CEP112: variants seen among roughly 807,000 people sequenced by gnomAD.
The protein encoded by CEP112 is centrosomal protein 112.
Under a neutral mutation model 153.0 loss-of-function variants are expected in CEP112, and 127 were observed. That is an observed-to-expected ratio of 0.83 (90% CI 0.72 to 0.96). CEP112 has a LOEUF of 0.96. CEP112 is among the 40% of genes least tolerant of loss of function. The pLI, the probability that CEP112 is intolerant of heterozygous loss-of-function variation, is 0.00. For synonymous variants in CEP112, 358 were observed against 374.4 expected (o/e 0.96, Z 0.51); for missense variants, 1,089 against 1,101.2 (o/e 0.99, Z 0.16).
chr17:66,158,960 C>G (rs1456158740), intron 4 of CEP112, among the ~76,000 whole-genome samples: 1 of 151,670 alleles, frequency 6.6e-6, no homozygotes, highest in Non-Finnish European at 1.5e-5. Flanking sequence ...ACTAGCCAGA[C>G]TAATAAAGAA....
intron 23 of CEP112, among the ~76,000 whole-genome samples, chr17:65,728,121 C>T (rs984295747): frequency 1.3e-5 from 2 of 152,218 alleles, no homozygotes; most frequent in Non-Finnish European, 2.9e-5. Context: ...ATAGCTTCAA[C>T]TAGGACTATA....
rs546185687 is a variant in CEP112 at position 65,854,332 on chromosome 17, A to G, written c.2164-2298T>C. ...AAATATTATATTCATCCAATTTTTAATTTTAACAATTTTGTGATTTCTACA... is the reference window on the plus strand; with the variant it reads ...AAATATTATATTCATCCAATTTTTAGTTTTAACAATTTTGTGATTTCTACA... On this transcript the variant is annotated intron_variant, in intron 20 of 26. Transcript: ENST00000535342. Among the ~76,000 whole-genome samples the G allele has an allele frequency of 7.4e-4, 112 of 152,320 alleles. 1 individual carries two copies. The highest frequency in any genetic ancestry group is 3.4e-3 in the Middle Eastern group (1 of 294).
chr17:65,664,873 G>A (rs1282257349), intron 24 of CEP112, among the ~76,000 whole-genome samples: 1 of 152,226 alleles, frequency 6.6e-6, no homozygotes, highest in Non-Finnish European at 1.5e-5. Context: ...TAGTTCTAGA[G>A]GCTGGGAAAT....
rs2050540586 is a variant in CEP112 at position 65,732,099 on chromosome 17, G to A, written c.2607+10969C>T. ...ATCAGAGGAATTACCATCTATGGCA[G>A]CTACAGTCTTATGAAGTGTATTTTT... On this transcript the variant is annotated intron_variant, in intron 23 of 26. Transcript: ENST00000535342. 1.3e-5 allele frequency among the ~76,000 whole-genome samples: 2 copies of A among 152,156 alleles called. 1 individual carries two copies. Among genetic ancestry groups the A allele is most frequent in the South Asian group, 4.1e-4 (2 of 4,826 alleles).
At chr17:65,843,279 A>C (rs1435644543) in intron 21 of CEP112, among the ~76,000 whole-genome samples, 1 of 152,206 alleles carries the variant, frequency 6.6e-6, no homozygotes, top group African/African-American at 2.4e-5. Context: ...ACACCAGGCT[A>C]TAGCTTATAT....
intron 23 of CEP112, among the ~76,000 whole-genome samples, chr17:65,733,923 A>G (rs1248284347): frequency 1.3e-5 from 2 of 152,210 alleles, no homozygotes; most frequent in East Asian, 1.9e-4. Flanking sequence ...TTCTTTTTGA[A>G]AGTCTGCAGT....
At chr17:66,157,099 A>C (rs1448738890) in intron 4 of CEP112, among the ~76,000 whole-genome samples, 1 of 152,192 alleles carries the variant, frequency 6.6e-6, no homozygotes, top group Non-Finnish European at 1.5e-5. Context: ...GGTTGCAATG[A>C]AGGAAAAAAT....
chr17:65,821,511 TAATTATA>T, intron 21 of CEP112, among the ~76,000 whole-genome samples: 1 of 105,156 alleles, frequency 9.5e-6, no homozygotes, highest in South Asian at 3.3e-4. Flanking sequence ...TATATATATA[TAATTATA>T]TATATATATA....
intron 6 of CEP112, among the ~76,000 whole-genome samples, chr17:66,122,518 G>A (rs962179791): frequency 1.6e-4 from 24 of 152,124 alleles, no homozygotes; most frequent in African/African-American, 5.8e-4. Flanking sequence ...TTCTCCCACA[G>A]GGTGAAGACT....
intron 20 of CEP112, among the ~76,000 whole-genome samples, chr17:65,867,471 T>C (rs1041347847): frequency 1.3e-5 from 2 of 152,194 alleles, no homozygotes; most frequent in African/African-American, 4.8e-5. Context: ...TTTGAAGATT[T>C]TGAAAATACT....
At chr17:66,073,403 A>C (rs1414893178) in intron 8 of CEP112, among the ~76,000 whole-genome samples, 1 of 152,214 alleles carries the variant, frequency 6.6e-6, no homozygotes, top group Non-Finnish European at 1.5e-5. Context: ...GCAGGGTACT[A>C]AAAGAGGTAT....
At chr17:66,042,525 T>A (rs1381166137) in intron 12 of CEP112, among the ~76,000 whole-genome samples, 1 of 151,932 alleles carries the variant, frequency 6.6e-6, no homozygotes, top group East Asian at 1.9e-4. Flanking sequence ...CAGTCAATAC[T>A]CCTCAAAACT....
At chr17:65,867,614 G>GA (rs952577621) in intron 20 of CEP112, among the ~76,000 whole-genome samples, 18 of 150,382 alleles carry the variant, frequency 1.2e-4, no homozygotes, top group African/African-American at 4.2e-4. Flanking sequence ...AAGTAATTTT[G>GA]AAAAAAAAAT....
intron 21 of CEP112, among the ~76,000 whole-genome samples, chr17:65,820,670 C>T (rs879676262): frequency 2.6e-5 from 4 of 151,984 alleles, no homozygotes; most frequent in Non-Finnish European, 4.4e-5. Flanking sequence ...CAGGAAGTCT[C>T]TAAAATGTAA....
Position 66,099,670 on chromosome 17 carries a change from T to A in CEP112, c.643-3038A>T, listed in dbSNP as rs192638803. Among the ~76,000 whole-genome samples the A allele has an allele frequency of 2.6e-5, 4 of 152,244 alleles. No homozygotes were observed. In the East Asian group the frequency reaches 7.7e-4, roughly 29 times the overall value. On this transcript the variant is annotated intron_variant, in intron 6 of 26. Coordinates refer to ENST00000535342, the MANE Select transcript of CEP112 (RefSeq NM_001199165.4). ...TACCACTTCCCACACAATCACTGGC[T>A]ATTACTTGTTCAGAAAAATCTAACA... is the stretch of plus-strand genomic sequence containing the variant.
intron 1 of CEP112, among the ~76,000 whole-genome samples, chr17:66,187,064 G>T (rs2072965259): frequency 6.6e-6 from 1 of 152,054 alleles, no homozygotes; most frequent in South Asian, 2.1e-4. Context: ...CTTCCCCTCT[G>T]ATGGCAGCTG....
chr17:65,955,101 G>A (rs910153599), intron 18 of CEP112, among the ~76,000 whole-genome samples: 2 of 152,162 alleles, frequency 1.3e-5, no homozygotes, highest in Non-Finnish European at 2.9e-5. Context: ...AGAATCTTAA[G>A]GGCTGTGAGC....
chr17:66,177,122 C>A, intron 2 of CEP112, 102 bp from the exon 3 acceptor site: 3 of 919,952 alleles, frequency 3.3e-6, no homozygotes, highest in South Asian at 3.7e-5. Context: ...AAAGAAGGAC[C>A]AACAAACCTT....
At chr17:65,784,737 C>T (rs1385293057) in intron 21 of CEP112, among the ~76,000 whole-genome samples, 1 of 152,134 alleles carries the variant, frequency 6.6e-6, no homozygotes, top group African/African-American at 2.4e-5. Context: ...CCTCGGCCTC[C>T]TAAAGTGCTG....
Sources: gnomAD v4.1 joint callset for allele counts (sites outside exome capture counted in the v4.1 genomes callset) on GRCh38, gnomAD v4.1.1 for gene constraint, MANE v1.5 for transcripts, NCBI Gene and HGNC (gene_info 2026-07-23, HGNC 2026-07-21) for gene names.